The following SYT13 variants were observed in gnomAD, a reference collection of about 807,000 sequenced individuals.
SYT13 encodes synaptotagmin-13.
A neutral mutation model predicts 38.6 loss-of-function variants in SYT13; 21 were observed. That is an observed-to-expected ratio of 0.54 (90% CI 0.39 to 0.78). The LOEUF is 0.78. SYT13 is among the 30% of genes least tolerant of loss of function. The probability of loss-of-function intolerance (pLI) is 0.00; values close to 1 mark genes in which losing one functional copy is unlikely to be tolerated. For synonymous variants in SYT13, 241 were observed against 237.6 expected, an observed-to-expected ratio of 1.01 and a Z score of -0.13; for missense variants, 495 against 548.7, an observed-to-expected ratio of 0.90 and a Z score of 0.98.
intron 1 of SYT13, among the ~76,000 whole-genome samples, chr11:45,256,110 T>A (rs1180355665): frequency 2.0e-5 from 3 of 151,982 alleles, no homozygotes; most frequent in Non-Finnish European, 4.4e-5. Context: ...CATCCATACC[T>A]CCTCCATCCA....
At chr11:45,249,816 G>A (rs1381790055) in intron 4 of SYT13, among the ~76,000 whole-genome samples, 5 of 152,128 alleles carry the variant, frequency 3.3e-5, no homozygotes, top group African/African-American at 7.2e-5. Context: ...GTTGATGAGC[G>A]CAGCAAACCA....
rs192213216 is a variant in SYT13 at position 45,263,352 on chromosome 11, G to C, written c.184-7461C>G. Among the ~76,000 whole-genome samples, 3 of 152,298 alleles carry C rather than the reference G, an allele frequency of 2.0e-5. No homozygotes were observed. The East Asian group carries it at 5.8e-4, about 29-fold the overall frequency. On this transcript the variant is annotated intron_variant, in intron 1 of 5. Transcript: ENST00000020926. ...ACAAACGTTTAACCTTACCAAAGATGCTAGGTGACCCCTTTTGTGACATGA... is the reference window on the plus strand; with the variant it reads ...ACAAACGTTTAACCTTACCAAAGATCCTAGGTGACCCCTTTTGTGACATGA...
chr11:45,260,851 C>T (rs1854806964), intron 1 of SYT13, among the ~76,000 whole-genome samples: 1 of 152,162 alleles, frequency 6.6e-6, no homozygotes, highest in Non-Finnish European at 1.5e-5. Context: ...ACCAGCTGTC[C>T]ATGGGCACAG....
chr11:45,255,170 T>A (rs1460473497), intron 2 of SYT13, among the ~76,000 whole-genome samples: 1 of 152,054 alleles, frequency 6.6e-6, no homozygotes, highest in Non-Finnish European at 1.5e-5. Context: ...ACCCAATATG[T>A]TTTTTGTTAC....
intron 1 of SYT13, among the ~76,000 whole-genome samples, chr11:45,267,333 C>T (rs574481947): frequency 6.6e-5 from 10 of 152,252 alleles, no homozygotes; most frequent in South Asian, 6.2e-4. Context: ...ATGCCCAGGA[C>T]GCTGCCTGGT....
rs993427971 is a variant in SYT13, at chr11:45,243,945, A to G, written c.*107T>C. 9 of 1,217,878 alleles carry G rather than the reference A, an allele frequency of 7.4e-6. No homozygotes were observed. The highest frequency in any genetic ancestry group is 1.5e-5 in the African/African-American group (1 of 66,106). The allele number at this position is 1,217,878 out of a possible 1,614,324, so 75.4% of individuals were successfully genotyped here. On this transcript the variant is annotated 3_prime_UTR_variant, in exon 6 of 6. Transcript: ENST00000020926. ...AGAGAGCCATCCCAGCCTTGCAAAC[A>G]CATCTGTCACTGTCTTCTGGGTGTC...
chr11:45,284,696 G>A (rs1226353547), intron 1 of SYT13, among the ~76,000 whole-genome samples: 1 of 152,160 alleles, frequency 6.6e-6, no homozygotes, highest in Non-Finnish European at 1.5e-5. Flanking sequence ...AGGCAGAAGA[G>A]TGGCTGTTCC....
At chr11:45,281,934 GA>G (rs1373159487) in intron 1 of SYT13, among the ~76,000 whole-genome samples, 1 of 152,206 alleles carries the variant, frequency 6.6e-6, no homozygotes, top group Non-Finnish European at 1.5e-5. Flanking sequence ...GGGGCAAGGG[GA>G]AAAGAGCAGT....
chr11:45,260,612 G>A (rs1854803357), intron 1 of SYT13, among the ~76,000 whole-genome samples: 1 of 152,198 alleles, frequency 6.6e-6, no homozygotes, highest in South Asian at 2.1e-4. Context: ...TGAAGCCCAG[G>A]AATAGAGCCT....
At chr11:45,275,258 A>T (rs886217360) in intron 1 of SYT13, among the ~76,000 whole-genome samples, 3 of 152,186 alleles carry the variant, frequency 2.0e-5, no homozygotes, top group African/African-American at 7.2e-5. Flanking sequence ...CATGTCTTGG[A>T]CTTAATGAGT....
intron 2 of SYT13, 65 bp from the exon 3 acceptor site, chr11:45,254,469 T>C: frequency 6.4e-7 from 1 of 1,561,440 alleles, no homozygotes; most frequent in African/African-American, 1.4e-5. Flanking sequence ...GATTACACCT[T>C]TCTCATCTCT....
rs116209771 is a variant in SYT13, at chr11:45,249,814, G to A, written c.846+2607C>T. Among the ~76,000 whole-genome samples the A allele has an allele frequency of 7.1e-3, 1,087 of 152,270 alleles. 13 individuals are homozygous for A. Among genetic ancestry groups the A allele is most frequent in the African/African-American group, 0.025 (1,040 of 41,540 alleles). The stretch of plus-strand genomic sequence containing the variant: ...CCTAATGTAGATGACTAGTTGATGA[G>A]CGCAGCAAACCAACATGGCACATGT... On this transcript the variant is annotated intron_variant, in intron 4 of 5. Transcript: ENST00000020926.
At position 45,261,773 on chromosome 11, in the gene SYT13, C is replaced by T. The variant is rs74517987; in HGVS notation, c.184-5882G>A. On this transcript the variant is annotated intron_variant, in intron 1 of 5. Coordinates refer to ENST00000020926, the MANE Select transcript of SYT13 (RefSeq NM_020826.3). ...TCTACCAAAAATACAAAAATCAGCC[C>T]GGGCTTTGTGGTGCACACCTGTATC... is the stretch of plus-strand genomic sequence containing the variant. Among the ~76,000 whole-genome samples, 369 of 151,366 alleles carry T rather than the reference C, an allele frequency of 2.4e-3. 18 individuals carry two copies. In the East Asian group the frequency reaches 0.06, roughly 25 times the overall value.
intron 2 of SYT13, 34 bp downstream of exon 2, chr11:45,255,632 G>T: frequency 6.3e-7 from 1 of 1,594,586 alleles, no homozygotes; most frequent in African/African-American, 1.3e-5. Context: ...CTGGAGTGCT[G>T]CCCATGGAAG....
rs567973996 is a variant in SYT13, at chr11:45,268,611, C to T, written c.184-12720G>A. Among the ~76,000 whole-genome samples, 12 of 152,278 alleles carry T rather than the reference C, an allele frequency of 7.9e-5. No homozygotes were observed. The East Asian group carries it at 2.3e-3, about 29-fold the overall frequency. On this transcript the variant is annotated intron_variant, in intron 1 of 5. Transcript: ENST00000020926. Reference sequence around the variant, plus strand: ...CCCCACTTAGAGGAAGAAACTGAGGCACAGAAGGGTTAAGTCTGAAGTCAC... The same window carrying T: ...CCCCACTTAGAGGAAGAAACTGAGGTACAGAAGGGTTAAGTCTGAAGTCAC...
In SYT13 at chr11:45,259,188, G is replaced by A. The variant is rs545101655; in HGVS notation, c.184-3297C>T. Among the ~76,000 whole-genome samples the A allele has an allele frequency of 3.1e-3, 466 of 152,230 alleles. 2 individuals carry two copies. The highest frequency in any genetic ancestry group is 0.011 in the African/African-American group (446 of 41,526). ...CCCTCCCATTCATCGGCACAAAAGC[G>A]TTCCCAGAGGCTGCTGGGCCTCAGC... On this transcript the variant is annotated intron_variant, in intron 1 of 5. Transcript: ENST00000020926.
chr11:45,265,355 C>T (rs1219916315), intron 1 of SYT13, among the ~76,000 whole-genome samples: 1 of 152,230 alleles, frequency 6.6e-6, no homozygotes, highest in African/African-American at 2.4e-5. Context: ...CAACTGGAGG[C>T]AGTGGAGCTG....
rs1181620495 is a variant in SYT13, at chr11:45,254,320, C to G, written c.494G>C (p.Cys165Ser). Reference sequence around the variant, plus strand: ...TGCCTTCTGACAGTCATAGTCCAGGCAGTAGTGGAGTTTGGGGGCCTGGTT... The same window carrying G: ...TGCCTTCTGACAGTCATAGTCCAGGGAGTAGTGGAGTTTGGGGGCCTGGTT... ...SWNQAPKLHY[C>S]LDYDCQKAEL... Residue 165 changes from cysteine to serine, a missense_variant, in exon 3 of 6, where the codon TGC (cysteine) becomes TCC (serine). Cys to Ser is a moderately radical substitution (Grantham distance 112). Transcript: ENST00000020926. The G allele has an allele frequency of 6.2e-7, 1 of 1,613,596 alleles. No individual in the cohort carries two copies. The highest frequency in any genetic ancestry group is 1.3e-5 in the African/African-American group (1 of 74,912).
At chr11:45,248,084 G>A (rs1854634405) in intron 4 of SYT13, among the ~76,000 whole-genome samples, 1 of 152,122 alleles carries the variant, frequency 6.6e-6, no homozygotes, top group Non-Finnish European at 1.5e-5. Flanking sequence ...TATGACCTTG[G>A]GTAAGTTACT....
Sources: gnomAD v4.1 joint callset for allele counts (sites outside exome capture counted in the v4.1 genomes callset) on GRCh38, gnomAD v4.1.1 for gene constraint, MANE v1.5 for transcripts, NCBI Gene and HGNC (gene_info 2026-07-23, HGNC 2026-07-21) for gene names.